The following BANF2 variants were observed in gnomAD, a reference collection of about 807,000 sequenced individuals.
The protein encoded by BANF2 is BANF family member 2, also known as barrier-to-autointegration factor-like protein.
In BANF2, 4 loss-of-function variants were observed where a neutral mutation model predicts 8.0. The ratio of observed to expected loss-of-function variants is 0.50; its 90% confidence interval spans 0.25 to 1.14. The LOEUF (loss-of-function observed/expected upper bound fraction) is 1.14, where lower values mean the gene tolerates loss of function less well. BANF2 is among the 50% of genes most tolerant of loss of function. The pLI is 0.16. For synonymous variants in BANF2, 50 were observed against 40.6 expected (o/e 1.23, Z -0.88); for missense variants, 96 against 107.5 (o/e 0.89, Z 0.47).
intron 1 of BANF2, among the ~76,000 whole-genome samples, chr20:17,703,622 G>A (rs2037440410): frequency 6.6e-6 from 1 of 152,206 alleles, no homozygotes; most frequent in Admixed American, 6.5e-5. Context: ...AGGCTGGACA[G>A]GGTGGCCCAA....
intron 3 of BANF2, among the ~76,000 whole-genome samples, chr20:17,730,569 G>T (rs1329919712): frequency 1.3e-5 from 2 of 152,090 alleles, no homozygotes; most frequent in Admixed American, 1.3e-4. Flanking sequence ...TCGCATGCCG[G>T]CAGCCAACGA....
intron 1 of BANF2, among the ~76,000 whole-genome samples, chr20:17,694,593 T>TTC (rs73617209): frequency 0.01 from 963 of 92,122 alleles, 27 homozygotes; most frequent in African/African-American, 0.031. Flanking sequence ...TTTTTGTTTT[T>TTC]TCTCTCTCTT....
chr20:17,710,580 C>T (rs1349240836), intron 1 of BANF2, among the ~76,000 whole-genome samples: 1 of 152,188 alleles, frequency 6.6e-6, no homozygotes, highest in Non-Finnish European at 1.5e-5. Context: ...TATTCTGTTT[C>T]TAGTCCCGGG....
At chr20:17,729,300 G>A (rs1299036880) in intron 3 of BANF2, among the ~76,000 whole-genome samples, 1 of 152,128 alleles carries the variant, frequency 6.6e-6, no homozygotes, top group Non-Finnish European at 1.5e-5. Context: ...AGCCTCTCTT[G>A]AAATGGGTTT....
At chr20:17,720,745 C>A (rs2122621555) in intron 1 of BANF2, among the ~76,000 whole-genome samples, 1 of 152,326 alleles carries the variant, frequency 6.6e-6, no homozygotes, top group Admixed American at 6.5e-5. Flanking sequence ...AATGGGAATG[C>A]ACTTAACATT....
At chr20:17,718,566 T>G (rs1467601302) in intron 1 of BANF2, among the ~76,000 whole-genome samples, 2 of 152,186 alleles carry the variant, frequency 1.3e-5, no homozygotes, top group African/African-American at 4.8e-5. Flanking sequence ...GTGTCCCCAC[T>G]GGAAATTGTA....
At chr20:17,714,207 A>G (rs2037617254) in intron 1 of BANF2, among the ~76,000 whole-genome samples, 1 of 148,650 alleles carries the variant, frequency 6.7e-6, no homozygotes, top group Non-Finnish European at 1.5e-5. Flanking sequence ...CAAAAAAAAA[A>G]AAAAAAAGAA....
In BANF2 at chr20:17,702,589, T is replaced by C. The variant is rs546115657; in HGVS notation, c.-167+2534T>C. Among the ~76,000 whole-genome samples the C allele has an allele frequency of 1.1e-4, 16 of 152,304 alleles. No homozygotes were observed. The East Asian group carries it at 3.1e-3, about 29-fold the overall frequency. Reference sequence around the variant, plus strand: ...TGGATGAGGCCTTGCTGATGCTCCTTGGATAGGACCCGTGTGCAACTGTTT... The same window carrying C: ...TGGATGAGGCCTTGCTGATGCTCCTCGGATAGGACCCGTGTGCAACTGTTT... On this transcript the variant is annotated intron_variant, in intron 1 of 3. Coordinates refer to ENST00000246090, the MANE Select transcript of BANF2 (RefSeq NM_178477.5).
intron 1 of BANF2, among the ~76,000 whole-genome samples, chr20:17,703,906 C>A (rs2037445674): frequency 6.6e-6 from 1 of 152,150 alleles, no homozygotes; most frequent in South Asian, 2.1e-4. Context: ...TGCCACAATG[C>A]CCAGCTAATT....
intron 1 of BANF2, among the ~76,000 whole-genome samples, chr20:17,693,965 G>T (rs984817308): frequency 1.3e-5 from 2 of 152,250 alleles, no homozygotes; most frequent in African/African-American, 4.8e-5. Flanking sequence ...GGCACGTCTT[G>T]GACGGATTCC....
upstream of BANF2, among the ~76,000 whole-genome samples, chr20:17,698,771 C>T (rs142756668): frequency 1.8e-4 from 28 of 152,318 alleles, no homozygotes; most frequent in East Asian, 4.2e-3. Flanking sequence ...TTGTGCTTCC[C>T]CAAAACGTGG....
chr20:17,734,707 G>A (rs1337846382), intron 3 of BANF2, among the ~76,000 whole-genome samples: 1 of 152,130 alleles, frequency 6.6e-6, no homozygotes, highest in Non-Finnish European at 1.5e-5. Context: ...TAGAGATCAG[G>A]GGTGCTGCTG....
intron 3 of BANF2, among the ~76,000 whole-genome samples, chr20:17,728,361 G>T (rs978877932): frequency 5.9e-5 from 9 of 152,200 alleles, no homozygotes; most frequent in Admixed American, 2.6e-4. Context: ...TCCGCACTCA[G>T]CCATCGGCTC....
chr20:17,727,471 G>T (rs1011712237), intron 3 of BANF2, among the ~76,000 whole-genome samples: 1 of 152,194 alleles, frequency 6.6e-6, no homozygotes, highest in Non-Finnish European at 1.5e-5. Flanking sequence ...AAGATCTGTG[G>T]CCAGGCGGTT....
chr20:17,733,860 A>G (rs1443545773), intron 3 of BANF2, among the ~76,000 whole-genome samples: 1 of 152,178 alleles, frequency 6.6e-6, no homozygotes, highest in East Asian at 1.9e-4. Context: ...CTTTTATTTG[A>G]TTTCTCTTCT....
intron 3 of BANF2, among the ~76,000 whole-genome samples, chr20:17,733,971 C>T (rs6044982): frequency 0.31 from 46,690 of 151,980 alleles, 7,426 homozygotes; most frequent in East Asian, 0.47. Flanking sequence ...GCCCAGAACT[C>T]GAGGCATGGG....
At chr20:17,709,268 C>G (rs1199554464) in intron 1 of BANF2, among the ~76,000 whole-genome samples, 1 of 152,212 alleles carries the variant, frequency 6.6e-6, no homozygotes, top group Admixed American at 6.5e-5. Flanking sequence ...ACCCTCCTAT[C>G]TGGAGACATG....
chr20:17,730,740 C>G (rs2037882446), intron 3 of BANF2, among the ~76,000 whole-genome samples: 1 of 152,208 alleles, frequency 6.6e-6, no homozygotes. Flanking sequence ...CACAGCGAAG[C>G]CTCTGAAGGC....
At chr20:17,726,289 G>A (rs564317824) in intron 3 of BANF2, among the ~76,000 whole-genome samples, 1 of 152,116 alleles carries the variant, frequency 6.6e-6, no homozygotes, top group Non-Finnish European at 1.5e-5. Context: ...AGGCTCAAGC[G>A]ATCCTCTCAC....
Sources: allele counts gnomAD v4.1 joint callset (sites outside exome capture counted in the v4.1 genomes callset), GRCh38; gene constraint gnomAD v4.1.1; transcripts MANE v1.5; gene names NCBI Gene and HGNC (gene_info 2026-07-23, HGNC 2026-07-21).